Variants in DACH2 observed in about 807,000 individuals in gnomAD.
DACH2 encodes dachshund homolog 2.
Under a neutral mutation model 35.8 loss-of-function variants are expected in DACH2, and 17 were observed. The observed-to-expected ratio is 0.48, with a 90% CI of 0.33 to 0.71. The LOEUF (loss-of-function observed/expected upper bound fraction) is 0.71, where lower values mean the gene tolerates loss of function less well. Among genes scored for constraint, DACH2 ranks in the 30% least tolerant of loss-of-function variants. DACH2 has a pLI of 0.02. For synonymous variants in DACH2, 195 were observed against 177.3 expected (o/e 1.10, Z -0.79); for missense variants, 469 against 472.7 (o/e 0.99, Z 0.07).
chrX:86,741,900 T>C (rs987893482), intron 7 of DACH2, among the ~76,000 whole-genome samples: 1 of 111,413 alleles, frequency 9.0e-6, no homozygotes, highest in African/African-American at 3.3e-5. Context: ...AACATGTAAT[T>C]TATCAGATCA....
chrX:86,813,472 C>T (rs1203730492), intron 9 of DACH2, among the ~76,000 whole-genome samples, 195 bp downstream of exon 9: 2 of 104,454 alleles, frequency 1.9e-5, no homozygotes, highest in African/African-American at 3.5e-5. Flanking sequence ...ATTAGCTGGG[C>T]GTGGTGGTGG....
intron 4 of DACH2, among the ~76,000 whole-genome samples, chrX:86,667,541 G>GAAA (rs2040702857): frequency 1.1e-4 from 5 of 45,605 alleles, no homozygotes; most frequent in South Asian, 1.9e-3. Flanking sequence ...AAGAAAGAAA[G>GAAA]AAAGAAGAAA....
At chrX:86,789,562 G>T (rs970236957) in intron 7 of DACH2, among the ~76,000 whole-genome samples, 5 of 111,473 alleles carry the variant, frequency 4.5e-5, no homozygotes, top group Non-Finnish European at 1.9e-5. Flanking sequence ...ATTATTTTCA[G>T]TGAAAATGTT....
At chrX:86,667,589 AAAG>A (rs1288295553) in intron 4 of DACH2, among the ~76,000 whole-genome samples, 1 of 102,554 alleles carries the variant, frequency 9.8e-6, no homozygotes, top group Non-Finnish European at 1.9e-5. Context: ...AGAAAGAAAG[AAAG>A]AAAGAAAGAA....
intron 4 of DACH2, among the ~76,000 whole-genome samples, chrX:86,654,204 A>C (rs1220978519): frequency 1.9e-5 from 2 of 107,204 alleles, no homozygotes; most frequent in African/African-American, 3.4e-5. Flanking sequence ...AAAAAAAAAA[A>C]AAAAAAAAAA....
chrX:86,367,984 A>G (rs1427905283), intron 1 of DACH2, among the ~76,000 whole-genome samples: 1 of 111,190 alleles, frequency 9.0e-6, no homozygotes, highest in Non-Finnish European at 1.9e-5. Context: ...ACACTCTCTT[A>G]TAACAATCCA....
chrX:86,520,280 G>T (rs2038533496), intron 3 of DACH2, among the ~76,000 whole-genome samples: 1 of 111,526 alleles, frequency 9.0e-6, no homozygotes, highest in South Asian at 3.7e-4. Flanking sequence ...TGTTTTGTAT[G>T]ATTTTGGTTC....
In DACH2 at chrX:86,765,239, A is replaced by G. The variant is rs772473088; in HGVS notation, c.1240+25357A>G. ...AAGTTCTTTAATTTAATTAGGTGCCACTTGTCAATTTTTGTTTATGTTGCA... is the reference window on the plus strand; with the variant it reads ...AAGTTCTTTAATTTAATTAGGTGCCGCTTGTCAATTTTTGTTTATGTTGCA... On this transcript the variant is annotated intron_variant, in intron 7 of 11. Transcript: ENST00000373125. Among the ~76,000 whole-genome samples, 3 of 111,738 alleles carry G rather than the reference A, an allele frequency of 2.7e-5. No homozygotes were observed. The Admixed American group carries it at 2.9e-4, about 11-fold the overall frequency.
intron 2 of DACH2, among the ~76,000 whole-genome samples, chrX:86,396,426 C>T (rs1322391105): frequency 1.0e-5 from 1 of 96,197 alleles, no homozygotes; most frequent in Non-Finnish European, 2.1e-5. Flanking sequence ...GCTTTTGTTG[C>T]CATTGCTTTT....
rs764961620 is a variant in DACH2 at position 86,354,833 on chromosome X, T to TA, written c.489-21982dup. 4.5e-3 allele frequency among the ~76,000 whole-genome samples: 58 copies of TA among 12,873 alleles called. 16 individuals are homozygous for TA. Among genetic ancestry groups the TA allele is most frequent in the African/African-American group, 0.024 (52 of 2,132 alleles). 11.2% of individuals were successfully genotyped at this position (12,873 alleles called of 115,157 possible). A position where few individuals can be genotyped will look rare whatever the true frequency, so the allele number is the denominator to read the frequency against. On this transcript the variant is annotated intron_variant, in intron 1 of 11. Transcript: ENST00000373125. Reference sequence around the variant, plus strand: ...TTAGAGTATAATAAAAAAAATAAAATAAAAAAAAATAAATGAAAAAAAAAA... The same window carrying TA: ...TTAGAGTATAATAAAAAAAATAAAATAAAAAAAAAATAAATGAAAAAAAAAA...
At chrX:86,700,830 A>C (rs1347167868) in intron 5 of DACH2, among the ~76,000 whole-genome samples, 2 of 111,937 alleles carry the variant, frequency 1.8e-5, no homozygotes, top group Non-Finnish European at 3.8e-5. Context: ...CAGACCAATA[A>C]TGAGTTCCAA....
At chrX:86,399,125 C>G (rs1602477007) in intron 2 of DACH2, among the ~76,000 whole-genome samples, 2 of 111,847 alleles carry the variant, frequency 1.8e-5, no homozygotes, top group Non-Finnish European at 3.8e-5. Context: ...AATCCCTGTA[C>G]CATTATGTAA....
At chrX:86,404,238 G>T (rs1450829602) in intron 2 of DACH2, among the ~76,000 whole-genome samples, 1 of 111,023 alleles carries the variant, frequency 9.0e-6, no homozygotes, top group Non-Finnish European at 1.9e-5. Flanking sequence ...GTCCCCCAGA[G>T]TCTTAACTCA....
chrX:86,178,548 T>C (rs1388364939), intron 1 of DACH2, among the ~76,000 whole-genome samples: 3 of 110,982 alleles, frequency 2.7e-5, no homozygotes, highest in Non-Finnish European at 3.8e-5. Context: ...TGTTCATATT[T>C]TAAGAAAATC....
intron 3 of DACH2, among the ~76,000 whole-genome samples, chrX:86,533,841 G>A (rs753836094): frequency 2.7e-5 from 3 of 110,897 alleles, no homozygotes; most frequent in Admixed American, 1.9e-4. Flanking sequence ...AGAATGGTAG[G>A]ATCAAGGAGG....
At chrX:86,222,613 A>G (rs917923099) in intron 1 of DACH2, among the ~76,000 whole-genome samples, 1 of 111,253 alleles carries the variant, frequency 9.0e-6, no homozygotes, top group Non-Finnish European at 1.9e-5. Flanking sequence ...TAAGACTAGA[A>G]CTAGTACTGG....
intron 3 of DACH2, among the ~76,000 whole-genome samples, chrX:86,615,021 A>C (rs1304999277): frequency 8.9e-6 from 1 of 111,733 alleles, no homozygotes; most frequent in African/African-American, 3.2e-5. Context: ...GAATAGGTCC[A>C]TAAAATGTTA....
intron 3 of DACH2, among the ~76,000 whole-genome samples, chrX:86,631,160 T>C (rs773356985): frequency 8.9e-6 from 1 of 112,058 alleles, no homozygotes; most frequent in South Asian, 3.7e-4. Context: ...TGAATGGTGA[T>C]ACTTAAGAAC....
intron 1 of DACH2, among the ~76,000 whole-genome samples, chrX:86,265,006 G>T (rs1309026778): frequency 9.0e-6 from 1 of 111,360 alleles, no homozygotes; most frequent in African/African-American, 3.3e-5. Context: ...TCCTAAAGAT[G>T]CATGGGTAGT....
Sources: allele counts gnomAD v4.1 joint callset (sites outside exome capture counted in the v4.1 genomes callset), GRCh38; gene constraint gnomAD v4.1.1; transcripts MANE v1.5; gene names NCBI Gene and HGNC (gene_info 2026-07-23, HGNC 2026-07-21).